GRIA4: variants seen among roughly 807,000 people sequenced by gnomAD.
GRIA4 encodes glutamate receptor 4.
A neutral mutation model predicts 104.0 loss-of-function variants in GRIA4; 34 were observed. The observed-to-expected ratio is 0.33, with a 90% CI of 0.25 to 0.44. The LOEUF is 0.44. Ranked by LOEUF, GRIA4 falls within the 20% of genes least tolerant of loss-of-function variation. The pLI is 1.00. For synonymous variants in GRIA4, 386 were observed against 381.9 expected (o/e 1.01, Z -0.13); for missense variants, 750 against 1,096.5 (o/e 0.68, Z 4.46).
At chr11:105,960,629 C>CA (rs1948718400) in intron 14 of GRIA4, among the ~76,000 whole-genome samples, 1 of 152,340 alleles carries the variant, frequency 6.6e-6, no homozygotes, top group Admixed American at 6.5e-5. Context: ...ACAGCTTCGA[C>CA]AGCAGGCAGC....
chr11:105,653,411 C>T (rs572586715), intron 3 of GRIA4, among the ~76,000 whole-genome samples: 9 of 152,212 alleles, frequency 5.9e-5, no homozygotes, highest in South Asian at 2.1e-4. Flanking sequence ...AACCAATAGG[C>T]GGGCAGCATG....
chr11:105,734,688 G>T (rs1213663514), intron 3 of GRIA4, among the ~76,000 whole-genome samples: 1 of 152,068 alleles, frequency 6.6e-6, no homozygotes, highest in African/African-American at 2.4e-5. Flanking sequence ...AAACAAAATT[G>T]TTCAGCTTCT....
At chr11:105,809,375 AC>A (rs1188102580) in intron 4 of GRIA4, among the ~76,000 whole-genome samples, 7 of 152,128 alleles carry the variant, frequency 4.6e-5, no homozygotes, top group Admixed American at 4.6e-4. Context: ...TTCCAGATTT[AC>A]CCTTCTAGTT....
At chr11:105,918,428 T>A (rs895334147) in intron 10 of GRIA4, among the ~76,000 whole-genome samples, 20 of 152,274 alleles carry the variant, frequency 1.3e-4, no homozygotes, top group African/African-American at 4.6e-4. Context: ...TAGATAATTA[T>A]TAACTGGCAC....
intron 3 of GRIA4, among the ~76,000 whole-genome samples, chr11:105,710,145 G>T (rs1316566239): frequency 2.0e-5 from 3 of 151,970 alleles, no homozygotes; most frequent in African/African-American, 7.2e-5. Flanking sequence ...TATATCCACA[G>T]AGAAACTAGT....
chr11:105,622,622 A>G (rs148774528), intron 3 of GRIA4, among the ~76,000 whole-genome samples: 1 of 151,542 alleles, frequency 6.6e-6, no homozygotes, highest in South Asian at 2.1e-4. Context: ...TCCAAAGTAC[A>G]TCACATTTTC....
chr11:105,740,220 T>A (rs767446238), intron 3 of GRIA4, among the ~76,000 whole-genome samples: 7 of 152,238 alleles, frequency 4.6e-5, no homozygotes, highest in Non-Finnish European at 1.0e-4. Context: ...GTCATTATAC[T>A]TCTTTGTTTT....
At chr11:105,710,250 C>A (rs1229206961) in intron 3 of GRIA4, among the ~76,000 whole-genome samples, 1 of 152,028 alleles carries the variant, frequency 6.6e-6, no homozygotes, top group African/African-American at 2.4e-5. Flanking sequence ...AAGTTCTGTT[C>A]ATTCTGGTTT....
In GRIA4 at chr11:105,979,457, G is replaced by GA. The variant is rs921322544; in HGVS notation, c.2545-112dup. On this transcript the variant is annotated intron_variant, in intron 16 of 16. Transcript: ENST00000282499. The stretch of plus-strand genomic sequence containing the variant: ...GTTTTCATATGACCAAAAGAACATG[G>GA]AAAAAATGCAGATGTCTAATTATTT... The GA allele has an allele frequency of 4.5e-6, 4 of 898,000 alleles. No individual in the cohort carries two copies. The African/African-American group carries it at 5.0e-5, about 11-fold the overall frequency. 55.6% of individuals were successfully genotyped at this position (898,000 alleles called of 1,614,324 possible).
chr11:105,671,027 T>G (rs1398017561), intron 3 of GRIA4, among the ~76,000 whole-genome samples: 1 of 152,110 alleles, frequency 6.6e-6, no homozygotes, highest in Non-Finnish European at 1.5e-5. Context: ...CTCTCTGCCC[T>G]TTTTCCACAC....
At chr11:105,732,204 T>C (rs1301885279) in intron 3 of GRIA4, among the ~76,000 whole-genome samples, 3 of 152,090 alleles carry the variant, frequency 2.0e-5, no homozygotes, top group African/African-American at 7.2e-5. Flanking sequence ...AAAGAGAGTG[T>C]GGCTACTCCA....
At chr11:105,835,415 C>T (rs1944140614) in intron 4 of GRIA4, among the ~76,000 whole-genome samples, 1 of 151,920 alleles carries the variant, frequency 6.6e-6, no homozygotes, top group Admixed American at 6.6e-5. Flanking sequence ...TTAAACAATA[C>T]CATACCATGG....
intron 6 of GRIA4, among the ~76,000 whole-genome samples, chr11:105,892,564 G>C (rs188093730): frequency 5.3e-5 from 8 of 152,234 alleles, no homozygotes; most frequent in Admixed American, 1.3e-4. Flanking sequence ...GCATTTAGGT[G>C]TTTGATTAGT....
At chr11:105,725,585 G>A (rs1938146331) in intron 3 of GRIA4, among the ~76,000 whole-genome samples, 1 of 152,114 alleles carries the variant, frequency 6.6e-6, no homozygotes, top group Admixed American at 6.6e-5. Flanking sequence ...TTAAAAGAAG[G>A]AGATTGGAAA....
chr11:105,703,066 C>G (rs989256065), intron 3 of GRIA4, among the ~76,000 whole-genome samples: 3 of 152,068 alleles, frequency 2.0e-5, no homozygotes, highest in African/African-American at 7.2e-5. Flanking sequence ...TTCTTTTTCA[C>G]ATATAATTAT....
At chr11:105,635,966 G>A (rs1201355747) in intron 3 of GRIA4, among the ~76,000 whole-genome samples, 2 of 152,186 alleles carry the variant, frequency 1.3e-5, no homozygotes, top group South Asian at 2.1e-4. Context: ...AAAACCTAGA[G>A]AGCTGAATAT....
chr11:105,669,409 T>C (rs1357891013), intron 3 of GRIA4, among the ~76,000 whole-genome samples: 1 of 152,114 alleles, frequency 6.6e-6, no homozygotes, highest in Non-Finnish European at 1.5e-5. Flanking sequence ...TTATATCTTT[T>C]TGTTTAAAAT....
intron 14 of GRIA4, among the ~76,000 whole-genome samples, chr11:105,958,875 G>C (rs749674530): frequency 3.3e-5 from 5 of 152,124 alleles, no homozygotes; most frequent in Non-Finnish European, 5.9e-5. Flanking sequence ...ATGAAGCTTA[G>C]TTTGGCTGGA....
intron 4 of GRIA4, among the ~76,000 whole-genome samples, chr11:105,781,120 T>A (rs1366234786): frequency 6.6e-6 from 1 of 152,232 alleles, no homozygotes; most frequent in Non-Finnish European, 1.5e-5. Flanking sequence ...TAACTTCTGA[T>A]CTTTATTTAT....
Sources: allele counts gnomAD v4.1 joint callset (sites outside exome capture counted in the v4.1 genomes callset), GRCh38; gene constraint gnomAD v4.1.1; transcripts MANE v1.5; gene names NCBI Gene and HGNC (gene_info 2026-07-23, HGNC 2026-07-21).